SHISA9: variants seen among roughly 807,000 people sequenced by gnomAD.
SHISA9 encodes the protein protein shisa-9.
In SHISA9, 13 loss-of-function variants were observed where a neutral mutation model predicts 38.0. That is an observed-to-expected ratio of 0.34 (90% CI 0.22 to 0.54). SHISA9 has a LOEUF of 0.54. Ranked by LOEUF, SHISA9 falls within the 20% of genes least tolerant of loss-of-function variation. The pLI, the probability that SHISA9 is intolerant of heterozygous loss-of-function variation, is 0.91. For missense variants in SHISA9, 538 were observed against 575.8 expected (o/e 0.93, Z 0.67); for synonymous variants, 275 against 242.0 (o/e 1.14, Z -1.27).
chr16:12,970,659 C>T (rs925301048), intron 2 of SHISA9, among the ~76,000 whole-genome samples: 2 of 149,496 alleles, frequency 1.3e-5, no homozygotes, highest in Admixed American at 6.7e-5. Flanking sequence ...TATAGGCACA[C>T]ACCACCACAC....
At chr16:13,556,799 CA>C in the SHISA9 span, among the ~76,000 whole-genome samples, 3 of 151,912 alleles carry the variant, frequency 2.0e-5, no homozygotes, top group South Asian at 2.1e-4. Flanking sequence ...AATATAACAA[CA>C]AAAAAATACA....
chr16:13,412,928 A>G, the SHISA9 span, among the ~76,000 whole-genome samples: 1 of 152,198 alleles, frequency 6.6e-6, no homozygotes, highest in Non-Finnish European at 1.5e-5. Flanking sequence ...AAACTCCAGT[A>G]AAATGTGATA....
rs142144969 is a variant in SHISA9, at chr16:12,989,837, A to G, written c.691+73022A>G. On this transcript the variant is annotated intron_variant, in intron 2 of 4. Coordinates refer to ENST00000558583, the MANE Select transcript of SHISA9 (RefSeq NM_001145204.3). ...TAGGATGTGCAGGTTTGTTACATGG[A>G]TAAACGTGTGCCATGGTGATTTGCT... Among the ~76,000 whole-genome samples, 11 of 152,144 alleles carry G rather than the reference A, an allele frequency of 7.2e-5. No individual in the cohort carries two copies. The East Asian group carries it at 2.1e-3, about 29-fold the overall frequency.
the SHISA9 span, among the ~76,000 whole-genome samples, chr16:13,414,646 C>CTTTTTTTTTTTTTTTT: frequency 2.9e-5 from 4 of 136,610 alleles, 1 homozygote; most frequent in Non-Finnish European, 4.6e-5. Flanking sequence ...TTCTTTCTTT[C>CTTTTTTTTTTTTTTTT]TTTCTTTTTT....
the SHISA9 span, among the ~76,000 whole-genome samples, chr16:13,468,710 C>T: frequency 1.4e-4 from 21 of 152,152 alleles, no homozygotes; most frequent in African/African-American, 4.6e-4. Flanking sequence ...AGGTGTATGA[C>T]TCACATCTGC....
chr16:13,164,264 G>C (rs1393401045), intron 2 of SHISA9, among the ~76,000 whole-genome samples: 2 of 151,914 alleles, frequency 1.3e-5, no homozygotes, highest in Non-Finnish European at 2.9e-5. Context: ...TTCTTGTTTA[G>C]ACTGTTAATA....
At chr16:13,467,043 A>T in the SHISA9 span, among the ~76,000 whole-genome samples, 1 of 152,202 alleles carries the variant, frequency 6.6e-6, no homozygotes, top group South Asian at 2.1e-4. Context: ...GCTTAAAGAG[A>T]TGCATATGGC....
the SHISA9 span, among the ~76,000 whole-genome samples, chr16:13,278,615 GT>G: frequency 2.0e-5 from 3 of 151,926 alleles, no homozygotes; most frequent in African/African-American, 7.2e-5. Context: ...TCTGTTCAGG[GT>G]ATCTAATTCT....
rs748572860 is a variant in SHISA9, at chr16:13,197,104, T to TATACACACACACACAC, written c.692-6289_692-6288insTACACACACACACACA. On this transcript the variant is annotated intron_variant, in intron 2 of 4. Coordinates refer to ENST00000558583, the MANE Select transcript of SHISA9 (RefSeq NM_001145204.3). ...GAAACTGTATCTCTCTCTCTGTACA[T>TATACACACACACACAC]ACACACACACACACACACACACACA... 6.8e-4 allele frequency among the ~76,000 whole-genome samples: 72 copies of TATACACACACACACAC among 106,572 alleles called. 1 individual carries two copies. The highest frequency in any genetic ancestry group is 6.1e-3 in the South Asian group (24 of 3,938). The allele number at this position is 106,572 out of a possible 152,430, so 69.9% of individuals were successfully genotyped here.
At chr16:12,978,674 G>A (rs1433747073) in intron 2 of SHISA9, among the ~76,000 whole-genome samples, 1 of 152,194 alleles carries the variant, frequency 6.6e-6, no homozygotes, top group Non-Finnish European at 1.5e-5. Context: ...CCTTGGATGA[G>A]GAGATGGCTT....
At chr16:12,947,710 C>A (rs1211016419) in intron 2 of SHISA9, among the ~76,000 whole-genome samples, 1 of 152,134 alleles carries the variant, frequency 6.6e-6, no homozygotes, top group Admixed American at 6.5e-5. Flanking sequence ...ATCACTGGGC[C>A]AATTTAAGTC....
At chr16:12,927,391 C>A (rs1439077308) in intron 2 of SHISA9, among the ~76,000 whole-genome samples, 4 of 151,992 alleles carry the variant, frequency 2.6e-5, no homozygotes, top group Non-Finnish European at 5.9e-5. Context: ...CAAAGCATAG[C>A]TGTTTTTTAC....
At chr16:13,217,595 C>T (rs1436559315) in intron 4 of SHISA9, among the ~76,000 whole-genome samples, 1 of 152,176 alleles carries the variant, frequency 6.6e-6, no homozygotes, top group East Asian at 1.9e-4. Flanking sequence ...AATGTACTCT[C>T]TGTAGGTTTT....
intron 2 of SHISA9, among the ~76,000 whole-genome samples, chr16:12,955,542 C>T (rs918263746): frequency 2.0e-5 from 3 of 150,668 alleles, no homozygotes; most frequent in Admixed American, 6.6e-5. Flanking sequence ...GAGCATGGTA[C>T]TGGTACAAAA....
the SHISA9 span, among the ~76,000 whole-genome samples, chr16:13,286,532 A>G: frequency 2.0e-5 from 3 of 152,226 alleles, no homozygotes; most frequent in South Asian, 2.1e-4. Flanking sequence ...TGGGCAAAAT[A>G]TAACAGCCAG....
At chr16:13,452,696 A>G in the SHISA9 span, among the ~76,000 whole-genome samples, 6 of 152,102 alleles carry the variant, frequency 3.9e-5, no homozygotes, top group Non-Finnish European at 8.8e-5. Flanking sequence ...ACTGCAAGAT[A>G]AAAACCTAAG....
chr16:13,326,007 T>C, the SHISA9 span, among the ~76,000 whole-genome samples: 1 of 148,088 alleles, frequency 6.8e-6, no homozygotes. Flanking sequence ...CCATGGAACA[T>C]GTATACCTAT....
the SHISA9 span, among the ~76,000 whole-genome samples, chr16:13,341,775 A>G: frequency 6.6e-6 from 1 of 152,208 alleles, no homozygotes; most frequent in Non-Finnish European, 1.5e-5. Flanking sequence ...TAAAGGAAAC[A>G]TTGATAACAA....
the SHISA9 span, among the ~76,000 whole-genome samples, chr16:13,360,458 T>A: frequency 6.6e-6 from 1 of 152,130 alleles, no homozygotes; most frequent in Non-Finnish European, 1.5e-5. Flanking sequence ...GCTCTTCTCA[T>A]GATAGTAAGT....
Sources: gnomAD v4.1 joint callset for allele counts (sites outside exome capture counted in the v4.1 genomes callset) on GRCh38, gnomAD v4.1.1 for gene constraint, MANE v1.5 for transcripts, NCBI Gene and HGNC (gene_info 2026-07-23, HGNC 2026-07-21) for gene names.